Variants in ADAMTS20 observed in about 807,000 individuals in gnomAD.
ADAMTS20 encodes the protein ADAM metallopeptidase with thrombospondin type 1 motif 20, also known as A disintegrin and metalloproteinase with thrombospondin motifs 20.
Under a neutral mutation model 260.1 loss-of-function variants are expected in ADAMTS20, and 225 were observed. The observed-to-expected ratio is 0.87, with a 90% CI of 0.78 to 0.97. The LOEUF (loss-of-function observed/expected upper bound fraction) is 0.97. Ranked by LOEUF, ADAMTS20 falls within the 50% of genes least tolerant of loss-of-function variation. The probability of loss-of-function intolerance (pLI) is 0.00; values close to 1 mark genes in which losing one functional copy is unlikely to be tolerated. For missense variants in ADAMTS20, 2,400 were observed against 2,337.7 expected (o/e 1.03, Z -0.55); for synonymous variants, 802 against 769.5 (o/e 1.04, Z -0.70).
At chr12:43,510,887 AC>A (rs1420810869) in intron 3 of ADAMTS20, among the ~76,000 whole-genome samples, 4 of 152,142 alleles carry the variant, frequency 2.6e-5, no homozygotes, top group Non-Finnish European at 5.9e-5. Flanking sequence ...CCATAATTCT[AC>A]TTGGATGTCC....
At chr12:43,526,029 C>T (rs1251355070) in intron 3 of ADAMTS20, among the ~76,000 whole-genome samples, 6 of 152,112 alleles carry the variant, frequency 3.9e-5, no homozygotes, top group Admixed American at 6.5e-5. Context: ...AACAAAGGAA[C>T]GTAAGATATA....
intron 11 of ADAMTS20, among the ~76,000 whole-genome samples, chr12:43,460,707 AT>A (rs1942043822): frequency 6.6e-6 from 1 of 152,024 alleles, no homozygotes; most frequent in African/African-American, 2.4e-5. Context: ...GAATTGATAA[AT>A]TATAGTACAT....
intron 35 of ADAMTS20, 108 bp from the exon 36 acceptor site, chr12:43,375,620 A>C: frequency 8.3e-7 from 1 of 1,210,650 alleles, no homozygotes. Context: ...TTAATATTAT[A>C]GTGTCAACAA....
At chr12:43,549,845 C>T (rs1358134203) in intron 2 of ADAMTS20, among the ~76,000 whole-genome samples, 1 of 152,110 alleles carries the variant, frequency 6.6e-6, no homozygotes, top group Non-Finnish European at 1.5e-5. Flanking sequence ...ATCAGTTAAG[C>T]TAAAGGAGTA....
At position 43,432,725 on chromosome 12, in the gene ADAMTS20, A is replaced by G. The variant is rs751715440; in HGVS notation, c.2807T>C (p.Ile936Thr). 1 of 1,613,864 alleles carries G rather than the reference A, an allele frequency of 6.2e-7. No homozygotes were observed. The highest frequency in any genetic ancestry group is 8.5e-7 in the Non-Finnish European group (1 of 1,179,870). Residue 936 changes from isoleucine (I) to threonine (T), a missense_variant, in exon 20 of 39, where the codon ATT (isoleucine) becomes ACT (threonine). Coordinates refer to ENST00000389420, the MANE Select transcript of ADAMTS20 (RefSeq NM_025003.5). ...TLDIHCMKYS[I>T]HEGQTVQVDD... ...AACTTGAACAGTCTGTCCTTCATGA[A>G]TGGAATACTTCATGCAATGGATGTC... is the stretch of plus-strand genomic sequence containing the variant.
chr12:43,420,902 G>C (rs1460531034), intron 28 of ADAMTS20, among the ~76,000 whole-genome samples: 2 of 143,256 alleles, frequency 1.4e-5, no homozygotes, highest in Non-Finnish European at 3.0e-5. Flanking sequence ...CCACCTCCCA[G>C]GTTCAAGCGA....
intron 28 of ADAMTS20, among the ~76,000 whole-genome samples, chr12:43,414,969 A>G (rs1941101790): frequency 6.6e-6 from 1 of 152,202 alleles, no homozygotes; most frequent in African/African-American, 2.4e-5. Flanking sequence ...AATCATATTA[A>G]TTCATCTATT....
rs370129929 is a variant in ADAMTS20 at position 43,548,006 on chromosome 12, G to T, written c.453+2903C>A. ...AAACAATACAAAGACCTCATAACAC[G>T]TTATAACCCTGTATATAGTCAGTTT... is the stretch of plus-strand genomic sequence containing the variant. On this transcript the variant is annotated intron_variant, in intron 2 of 38. Transcript: ENST00000389420. Among the ~76,000 whole-genome samples, 5 of 152,056 alleles carry T rather than the reference G, an allele frequency of 3.3e-5. No homozygotes were observed. In the East Asian group the frequency reaches 9.6e-4, roughly 29 times the overall value.
chr12:43,487,163 T>C (rs547066750), intron 7 of ADAMTS20, among the ~76,000 whole-genome samples: 1 of 151,978 alleles, frequency 6.6e-6, no homozygotes, highest in Non-Finnish European at 1.5e-5. Flanking sequence ...CAAAAATACC[T>C]AACTATCCAT....
At chr12:43,527,174 C>A (rs1398437567) in intron 3 of ADAMTS20, among the ~76,000 whole-genome samples, 1 of 152,084 alleles carries the variant, frequency 6.6e-6, no homozygotes, top group South Asian at 2.1e-4. Flanking sequence ...CAATAACATG[C>A]AGTAAAACTG....
At chr12:43,545,587 G>A (rs1943431481) in intron 2 of ADAMTS20, among the ~76,000 whole-genome samples, 1 of 152,092 alleles carries the variant, frequency 6.6e-6, no homozygotes, top group Non-Finnish European at 1.5e-5. Context: ...CACAGTGTTT[G>A]CACCCTGGCC....
chr12:43,529,865 AG>A (rs891283260), intron 3 of ADAMTS20, among the ~76,000 whole-genome samples: 18 of 150,988 alleles, frequency 1.2e-4, no homozygotes, highest in African/African-American at 4.0e-4. Flanking sequence ...GAACTGAGGG[AG>A]GAAAAAAATA....
At chr12:43,536,700 G>A (rs537791334) in intron 2 of ADAMTS20, among the ~76,000 whole-genome samples, 1 of 152,324 alleles carries the variant, frequency 6.6e-6, no homozygotes, top group Non-Finnish European at 1.5e-5. Flanking sequence ...CAGGTAAAGT[G>A]ACAGAGAGAA....
At chr12:43,437,392 A>G (rs1413791229) in intron 18 of ADAMTS20, among the ~76,000 whole-genome samples, 1 of 152,200 alleles carries the variant, frequency 6.6e-6, no homozygotes, top group African/African-American at 2.4e-5. Context: ...TATGTTTCCA[A>G]ATTGGAATGG....
At chr12:43,493,026 A>G in intron 5 of ADAMTS20, 144 bp downstream of exon 5, 2 of 652,254 alleles carry the variant, frequency 3.1e-6, no homozygotes, top group South Asian at 1.9e-5. Flanking sequence ...ATCACAACAA[A>G]TAAGGGTAAT....
intron 28 of ADAMTS20, among the ~76,000 whole-genome samples, chr12:43,424,832 T>C (rs992637580): frequency 3.3e-5 from 5 of 151,602 alleles, no homozygotes; most frequent in Non-Finnish European, 7.4e-5. Flanking sequence ...AATAAATATA[T>C]AAAAAAACTA....
At chr12:43,407,402 C>A (rs1940939728) in intron 28 of ADAMTS20, among the ~76,000 whole-genome samples, 1 of 151,366 alleles carries the variant, frequency 6.6e-6, no homozygotes, top group East Asian at 1.9e-4. Context: ...ATTTACAGTT[C>A]TTGGCTAATT....
At chr12:43,361,251 C>T (rs534566497) in intron 37 of ADAMTS20, among the ~76,000 whole-genome samples, 119 of 152,332 alleles carry the variant, frequency 7.8e-4, no homozygotes, top group Admixed American at 2.2e-3. Context: ...TGACGTCAAG[C>T]ATCTGGAGAG....
At position 43,551,222 on chromosome 12, in the gene ADAMTS20, C is replaced by A. The variant is rs775865869; in HGVS notation, c.140G>T (p.Arg47Leu). ...GAACACTTCTCCAAACTCATTGACC[C>A]GCTCGGGGATCACTACTTCGTAGGA... Reference protein sequence around the residue: ...LTSYEVVIPERVNEFGEVFPQ... With the variant: ...LTSYEVVIPELVNEFGEVFPQ... Residue 47 changes from arginine to leucine, a missense_variant, in exon 2 of 39, where the codon CGG (arginine) becomes CTG (leucine). Physicochemically the swap from Arg to Leu is moderately radical, Grantham distance 102. Coordinates refer to ENST00000389420, the MANE Select transcript of ADAMTS20 (RefSeq NM_025003.5). This position sits in a 1 kb window ranked among gnomAD's most constrained non-coding sequence, Gnocchi z 4.6. 2.5e-6 allele frequency: 4 copies of A among 1,613,812 alleles called. No homozygotes were observed. In the Admixed American group the frequency reaches 5.0e-5, roughly 20 times the overall value.
Sources: gnomAD v4.1 joint callset for allele counts (sites outside exome capture counted in the v4.1 genomes callset) on GRCh38, gnomAD v4.1.1 for gene constraint, Gnocchi (gnomAD v3.1) non-coding constraint, MANE v1.5 for transcripts, NCBI Gene and HGNC (gene_info 2026-07-23, HGNC 2026-07-21) for gene names.